The following WDR27 variants were observed in gnomAD, a reference collection of about 807,000 sequenced individuals.
WDR27 encodes the protein WD repeat domain 27.
In WDR27, 100 loss-of-function variants were observed where a neutral mutation model predicts 114.4. The observed-to-expected ratio is 0.87, with a 90% CI of 0.74 to 1.03. The LOEUF is 1.03. Among genes scored for constraint, WDR27 ranks in the 50% least tolerant of loss-of-function variants. The probability of loss-of-function intolerance (pLI) is 0.00; values close to 1 mark genes in which losing one functional copy is unlikely to be tolerated. For missense variants in WDR27, 1,129 were observed against 1,092.9 expected, an observed-to-expected ratio of 1.03 and a Z score of -0.47; for synonymous variants, 449 against 423.1, an observed-to-expected ratio of 1.06 and a Z score of -0.75.
At chr6:169,501,053 C>T (rs1562499558) in intron 25 of WDR27, among the ~76,000 whole-genome samples, 1 of 152,194 alleles carries the variant, frequency 6.6e-6, no homozygotes, top group Non-Finnish European at 1.5e-5. Flanking sequence ...CAGGAGAAGC[C>T]TCCGTGTGAG....
the WDR27 span, among the ~76,000 whole-genome samples, chr6:169,438,236 C>CTTT: frequency 7.6e-5 from 8 of 105,412 alleles, no homozygotes; most frequent in Admixed American, 3.1e-4. Flanking sequence ...TTTACTTTTT[C>CTTT]TTTTTTTTTT....
At position 169,459,346 on chromosome 6, in the gene WDR27, G is replaced by A. The variant is rs941054750; in HGVS notation, c.2646-1712C>T. 2.0e-5 allele frequency among the ~76,000 whole-genome samples: 3 copies of A among 151,880 alleles called. No individual in the cohort carries two copies. The South Asian group carries it at 6.2e-4, about 31-fold the overall frequency. ...ATTTACTAGAGGAATTCAAAGGCAG[G>A]TTTGAGCAGGTGAAGAAAAAATAGA... On this transcript the variant is annotated intron_variant, in intron 25 of 25. Transcript: ENST00000448612.
intron 17 of WDR27, among the ~76,000 whole-genome samples, chr6:169,639,037 G>A (rs562130881): frequency 2.0e-5 from 3 of 151,802 alleles, no homozygotes; most frequent in East Asian, 1.9e-4. Context: ...TGGGTACTGC[G>A]TGGTGCTGGG....
chr6:169,497,119 C>A (rs1194864161), intron 25 of WDR27, among the ~76,000 whole-genome samples: 3 of 151,990 alleles, frequency 2.0e-5, no homozygotes, highest in Non-Finnish European at 2.9e-5. Flanking sequence ...AATAGAGAGC[C>A]CAGAAATAAA....
At chr6:169,665,236 T>C in intron 7 of WDR27, 3 of 1,238,706 alleles carry the variant, frequency 2.4e-6, no homozygotes, top group Non-Finnish European at 3.0e-6. Flanking sequence ...TCACTTTTGC[T>C]GCACTCCAGA....
At chr6:169,508,682 A>G (rs752781810) in intron 25 of WDR27, among the ~76,000 whole-genome samples, 6 of 152,282 alleles carry the variant, frequency 3.9e-5, no homozygotes, top group Middle Eastern at 3.4e-3. Flanking sequence ...TGCAGGTGGT[A>G]AAACACATCA....
intron 22 of WDR27, among the ~76,000 whole-genome samples, chr6:169,602,847 T>C (rs1310482571): frequency 6.6e-6 from 1 of 151,600 alleles, no homozygotes; most frequent in Admixed American, 6.6e-5. Flanking sequence ...TTTTTTCTTT[T>C]TTTTTTTTGA....
At chr6:169,651,187 G>GGGAGT (rs1268244694) in intron 14 of WDR27, among the ~76,000 whole-genome samples, 1 of 109,312 alleles carries the variant, frequency 9.1e-6, no homozygotes, top group Non-Finnish European at 1.7e-5. Flanking sequence ...GCGGGGCGGG[G>GGGAGT]GGGGGGAGTG....
intron 25 of WDR27, among the ~76,000 whole-genome samples, chr6:169,503,816 C>A (rs546447808): frequency 6.6e-5 from 10 of 151,748 alleles, no homozygotes; most frequent in African/African-American, 2.4e-4. Context: ...ATCTAGCATG[C>A]CACTTCCATA....
intron 21 of WDR27, among the ~76,000 whole-genome samples, chr6:169,621,335 C>T (rs71574968): frequency 0.076 from 5,568 of 72,884 alleles, 151 homozygotes; most frequent in Non-Finnish European, 0.15. Flanking sequence ...CATATACATA[C>T]GCACACACAT....
At chr6:169,614,721 G>C (rs1811390712) in intron 21 of WDR27, among the ~76,000 whole-genome samples, 1 of 151,336 alleles carries the variant, frequency 6.6e-6, no homozygotes, top group African/African-American at 2.4e-5. Flanking sequence ...GAAAAGAAAA[G>C]AAACAAAGCT....
intron 25 of WDR27, among the ~76,000 whole-genome samples, chr6:169,492,102 T>C (rs1370622371): frequency 6.6e-6 from 1 of 151,936 alleles, no homozygotes; most frequent in African/African-American, 2.4e-5. Flanking sequence ...AGAAATATGC[T>C]TATAGTCTGC....
chr6:169,491,510 TAA>T (rs912926697), intron 25 of WDR27, among the ~76,000 whole-genome samples: 4 of 151,824 alleles, frequency 2.6e-5, no homozygotes, highest in African/African-American at 7.3e-5. Flanking sequence ...ATATAAAATA[TAA>T]GAGAAGAAAT....
At chr6:169,556,014 C>T (rs796921162) in intron 25 of WDR27, among the ~76,000 whole-genome samples, 3 of 152,324 alleles carry the variant, frequency 2.0e-5, no homozygotes, top group South Asian at 2.1e-4. Flanking sequence ...TCATGTGACC[C>T]CTGTCTGTGA....
chr6:169,617,833 A>C (rs2473439), intron 21 of WDR27, among the ~76,000 whole-genome samples: 1 of 152,206 alleles, frequency 6.6e-6, no homozygotes, highest in Non-Finnish European at 1.5e-5. Context: ...CACAACTGCC[A>C]GTATTCGCGT....
chr6:169,596,639 ATAT>A (rs1313368841), intron 23 of WDR27, among the ~76,000 whole-genome samples: 1 of 152,050 alleles, frequency 6.6e-6, no homozygotes, highest in East Asian at 1.9e-4. Context: ...AAAAACTGTG[ATAT>A]CTAGAAGTTG....
At chr6:169,445,322 A>T in the WDR27 span, among the ~76,000 whole-genome samples, 2 of 152,032 alleles carry the variant, frequency 1.3e-5, no homozygotes, top group Non-Finnish European at 2.9e-5. Flanking sequence ...ATCCCTAATA[A>T]ATACACAGAG....
intron 2 of WDR27, among the ~76,000 whole-genome samples, chr6:169,683,975 C>T (rs1271390277): frequency 6.6e-6 from 1 of 152,212 alleles, no homozygotes; most frequent in Admixed American, 6.5e-5. Context: ...AGAGCTGCCT[C>T]TCCAACATGC....
chr6:169,687,880 C>T (rs985345716), intron 2 of WDR27, among the ~76,000 whole-genome samples: 1 of 152,120 alleles, frequency 6.6e-6, no homozygotes, highest in Non-Finnish European at 1.5e-5. Flanking sequence ...ACAGTTCAAA[C>T]CCATGCTGTT....
Sources: gnomAD v4.1 joint callset for allele counts (sites outside exome capture counted in the v4.1 genomes callset) on GRCh38, gnomAD v4.1.1 for gene constraint, MANE v1.5 for transcripts, NCBI Gene and HGNC (gene_info 2026-07-23, HGNC 2026-07-21) for gene names.